The following LRP2 variants were observed in gnomAD, a reference collection of about 807,000 sequenced individuals.
LRP2 encodes the protein LDL receptor related protein 2.
LRP2 carries 172 observed loss-of-function variants against 531.0 expected under a neutral mutation model. The ratio of observed to expected loss-of-function variants is 0.32; its 90% CI spans 0.29 to 0.37. The LOEUF is 0.37. Among genes scored for constraint, LRP2 ranks in the 10% least tolerant of loss-of-function variants. The pLI, the probability that LRP2 is intolerant of heterozygous loss-of-function variation, is 1.00. For synonymous variants in LRP2, 1,992 were observed against 2,027.6 expected (o/e 0.98, Z 0.47); for missense variants, 5,167 against 5,868.3 (o/e 0.88, Z 3.90).
At chr2:169,154,152 G>A (rs1402442031) in intron 66 of LRP2, among the ~76,000 whole-genome samples, 1 of 152,184 alleles carries the variant, frequency 6.6e-6, no homozygotes, top group African/African-American at 2.4e-5. Flanking sequence ...TTTTCAAGGT[G>A]TACAATGGTA....
At chr2:169,356,172 C>T (rs1685981287) in intron 1 of LRP2, among the ~76,000 whole-genome samples, 1 of 152,236 alleles carries the variant, frequency 6.6e-6, no homozygotes. Context: ...GATTTATAGG[C>T]ATGAGCCACC....
chr2:169,141,284 CT>C (rs936564988), intron 71 of LRP2, among the ~76,000 whole-genome samples: 3 of 152,214 alleles, frequency 2.0e-5, no homozygotes, highest in African/African-American at 7.2e-5. Context: ...TGAACACTAT[CT>C]AAAGGACAAT....
At chr2:169,264,203 C>T (rs1036452092) in intron 16 of LRP2, among the ~76,000 whole-genome samples, 2 of 151,786 alleles carry the variant, frequency 1.3e-5, no homozygotes, top group Admixed American at 1.3e-4. Context: ...ATGTAACTAA[C>T]CTGCACATTG....
Position 169,226,566 on chromosome 2 carries a change from A to T in LRP2, c.5250T>A (p.Thr1750=), listed in dbSNP as rs765376537. The T allele has an allele frequency of 1.9e-5, 31 of 1,612,170 alleles. No homozygotes were observed. The Admixed American group carries it at 5.2e-4, about 27-fold the overall frequency. Residue 1750 remains threonine (T), a synonymous_variant, in exon 32 of 79, where the codon ACT becomes ACA. Transcript: ENST00000649046. ...TTCCAAAAATTATATGTTGCCTTACAGTTATTAAGAAAGGTTGATCATCTG... is the reference window on the plus strand; with the variant it reads ...TTCCAAAAATTATATGTTGCCTTACTGTTATTAAGAAAGGTTGATCATCTG... ...CLRDDQPFLI[T]VRQHIIFGIS... is the part of the protein sequence containing the mutation.
intron 1 of LRP2, among the ~76,000 whole-genome samples, chr2:169,325,439 T>C (rs1225695466): frequency 6.6e-6 from 1 of 152,238 alleles, no homozygotes; most frequent in Admixed American, 6.5e-5. Flanking sequence ...TCACTTTTTC[T>C]ATACTTAATT....
chr2:169,201,001 C>T (rs1191582433), intron 44 of LRP2, among the ~76,000 whole-genome samples: 2 of 152,184 alleles, frequency 1.3e-5, no homozygotes, highest in Non-Finnish European at 2.9e-5. Flanking sequence ...AATACTCTTA[C>T]CCAAAGAATT....
rs3083159 is a variant in LRP2, at chr2:169,298,193, A to AATCATC, written c.428-3489_428-3484dup. Among the ~76,000 whole-genome samples, 84 of 150,520 alleles carry AATCATC rather than the reference A, an allele frequency of 5.6e-4. 1 individual carries two copies. The Middle Eastern group carries it at 0.01, about 18-fold the overall frequency. ...GCGCTACCCACAAAGTTAAACAAGC[A>AATCATC]ATCATCATCATCATCATCATCATCA... is the stretch of plus-strand genomic sequence containing the variant. On this transcript the variant is annotated intron_variant, in intron 4 of 78. Coordinates refer to ENST00000649046, the MANE Select transcript of LRP2 (RefSeq NM_004525.3).
Position 169,220,515 on chromosome 2 carries a change from T to C in LRP2, c.5587A>G (p.Asn1863Asp), listed in dbSNP as rs1227582388. 1.2e-6 allele frequency: 2 copies of C among 1,613,482 alleles called. No homozygotes were observed. Among genetic ancestry groups the C allele is most frequent in the Non-Finnish European group, 1.7e-6 (2 of 1,179,676 alleles). Residue 1863 changes from asparagine (N) to aspartate (D), a missense_variant, in exon 34 of 79, where the codon AAT becomes GAT. Coordinates refer to ENST00000649046, the MANE Select transcript of LRP2 (RefSeq NM_004525.3). Reference sequence around the variant, plus strand: ...CCAACTCCAAGAGCTGTCCCATCATTGGCAATCAATGTTTTTCTGTATCTG... The same window carrying C: ...CCAACTCCAAGAGCTGTCCCATCATCGGCAATCAATGTTTTTCTGTATCTG... The part of the protein sequence containing the change: ...DIRYRKTLIA[N>D]DGTALGVGFP...
intron 34 of LRP2, among the ~76,000 whole-genome samples, 183 bp from the exon 35 acceptor site, chr2:169,216,613 T>C (rs1688806316): frequency 6.6e-6 from 1 of 152,166 alleles, no homozygotes; most frequent in Non-Finnish European, 1.5e-5. Flanking sequence ...CCAATGTCGG[T>C]ATATTTCCTA....
At chr2:169,328,064 T>TGGG (rs1685155812) in intron 1 of LRP2, among the ~76,000 whole-genome samples, 1 of 78,074 alleles carries the variant, frequency 1.3e-5, no homozygotes, top group Non-Finnish European at 2.6e-5. Context: ...GGGAGGGAGG[T>TGGG]GGGGTCAGCC....
intron 62 of LRP2, among the ~76,000 whole-genome samples, chr2:169,163,337 T>C (rs948570684): frequency 6.6e-6 from 1 of 152,104 alleles, no homozygotes. Flanking sequence ...CTGGTTACCT[T>C]ACAAGCAGAA....
chr2:169,188,392 A>G (rs1687709927), intron 48 of LRP2, 127 bp from the exon 49 acceptor site: 2 of 862,940 alleles, frequency 2.3e-6, no homozygotes. Flanking sequence ...CAAGATCACC[A>G]GTGTCCTTGA....
At chr2:169,247,996 T>C (rs1690079175) in intron 19 of LRP2, among the ~76,000 whole-genome samples, 1 of 152,198 alleles carries the variant, frequency 6.6e-6, no homozygotes, top group Admixed American at 6.5e-5. Context: ...GCGCTTAAAT[T>C]GTAATTTTTT....
chr2:169,208,292 A>G (rs539068029), intron 38 of LRP2, among the ~76,000 whole-genome samples: 2 of 152,312 alleles, frequency 1.3e-5, no homozygotes, highest in East Asian at 3.9e-4. Flanking sequence ...TAGTTTGCTG[A>G]CTACTGCTTT....
chr2:169,275,007 A>G (rs780692856), intron 14 of LRP2, 29 bp downstream of exon 14: 2 of 1,607,064 alleles, frequency 1.2e-6, no homozygotes, highest in South Asian at 1.1e-5. Context: ...TCCGGTACCA[A>G]GCATGGTTAC....
chr2:169,191,781 C>A (rs1476046644), intron 48 of LRP2, 51 bp downstream of exon 48: 1 of 1,534,366 alleles, frequency 6.5e-7, no homozygotes, highest in Admixed American at 1.7e-5. Context: ...GTGAGCCCAG[C>A]CCCCATGGAC....
At chr2:169,240,872 T>C in intron 25 of LRP2, 116 bp downstream of exon 25, 1 of 1,233,326 alleles carries the variant, frequency 8.1e-7, no homozygotes, top group Non-Finnish European at 1.2e-6. Context: ...TGTGAACTCA[T>C]AGAGGAACTG....
intron 52 of LRP2, among the ~76,000 whole-genome samples, chr2:169,181,211 T>G (rs1687418548): frequency 6.6e-6 from 1 of 152,064 alleles, no homozygotes; most frequent in Non-Finnish European, 1.5e-5. Context: ...AAAAAAACAA[T>G]AAGAAGTGAA....
chr2:169,340,320 T>C (rs1685530754), intron 1 of LRP2, among the ~76,000 whole-genome samples: 3 of 152,158 alleles, frequency 2.0e-5, no homozygotes, highest in African/African-American at 7.2e-5. Flanking sequence ...ATGTGCAGTG[T>C]CACCCGACCA....
Sources: gnomAD v4.1 joint callset for allele counts (sites outside exome capture counted in the v4.1 genomes callset) on GRCh38, gnomAD v4.1.1 for gene constraint, MANE v1.5 for transcripts, NCBI Gene and HGNC (gene_info 2026-07-23, HGNC 2026-07-21) for gene names.